The following NRG1 variants were observed in gnomAD, a reference collection of about 807,000 sequenced individuals.
NRG1 encodes pro-neuregulin-1, membrane-bound isoform.
NRG1 carries 18 observed loss-of-function variants against 63.8 expected under a neutral mutation model. The observed-to-expected ratio is 0.28, with a 90% confidence interval of 0.19 to 0.42. The LOEUF (loss-of-function observed/expected upper bound fraction) is 0.42. Ranked by LOEUF, NRG1 falls within the 10% of genes least tolerant of loss-of-function variation. NRG1 has a pLI of 1.00. For synonymous variants in NRG1, 302 were observed against 301.3 expected (o/e 1.00, Z -0.02); for missense variants, 762 against 814.7 (o/e 0.94, Z 0.79).
At chr8:32,694,955 T>C (rs993335847) in intron 5 of NRG1, among the ~76,000 whole-genome samples, 2 of 152,216 alleles carry the variant, frequency 1.3e-5, no homozygotes, top group Non-Finnish European at 2.9e-5. Flanking sequence ...GGACCTGGCA[T>C]GGTGCCCTGC....
chr8:32,126,417 G>T (rs1309392167), intron 1 of NRG1, among the ~76,000 whole-genome samples: 1 of 151,856 alleles, frequency 6.6e-6, no homozygotes, highest in Non-Finnish European at 1.5e-5. Flanking sequence ...ACAATAAAAT[G>T]AAATTTGGCT....
chr8:32,524,491 T>C (rs1467102093), intron 1 of NRG1, among the ~76,000 whole-genome samples: 1 of 107,466 alleles, frequency 9.3e-6, no homozygotes, highest in African/African-American at 3.7e-5. Flanking sequence ...TGCTTTTCCT[T>C]AAAGATTTTT....
chr8:32,624,359 G>T (rs1211757063), intron 5 of NRG1, among the ~76,000 whole-genome samples: 1 of 152,160 alleles, frequency 6.6e-6, no homozygotes, highest in African/African-American at 2.4e-5. Flanking sequence ...AGCCCCATGG[G>T]AACCACATGG....
intron 1 of NRG1, among the ~76,000 whole-genome samples, chr8:31,861,803 G>A (rs1828500180): frequency 6.6e-6 from 1 of 152,100 alleles, no homozygotes; most frequent in Non-Finnish European, 1.5e-5. Flanking sequence ...CCATGATCCA[G>A]TAATGTCATC....
chr8:32,521,812 A>G (rs888588170), intron 1 of NRG1, among the ~76,000 whole-genome samples: 2 of 152,186 alleles, frequency 1.3e-5, no homozygotes, highest in African/African-American at 2.4e-5. Context: ...TTACTCCCTC[A>G]GTTAAAAGTG....
At chr8:32,763,111 T>A (rs1048202989) in intron 11 of NRG1, 9 of 1,170,992 alleles carry the variant, frequency 7.7e-6, no homozygotes, top group Non-Finnish European at 1.1e-5. Context: ...TAGTTCCAAA[T>A]TGAATGTTAA....
intron 1 of NRG1, among the ~76,000 whole-genome samples, chr8:32,343,024 T>A (rs1341449660): frequency 6.6e-6 from 1 of 152,192 alleles, no homozygotes; most frequent in Non-Finnish European, 1.5e-5. Context: ...TTTGAGGTTG[T>A]GGATAGACAT....
At chr8:32,764,005 G>A (rs776139232) in exon 12 of NRG1, 1 of 1,614,064 alleles carries the variant, frequency 6.2e-7, no homozygotes, top group Admixed American at 1.7e-5. Flanking sequence ...GCGCATGACA[G>A]TAACAGCCTC....
At chr8:32,076,770 A>G (rs1489104893) in intron 1 of NRG1, among the ~76,000 whole-genome samples, 1 of 152,178 alleles carries the variant, frequency 6.6e-6, no homozygotes, top group African/African-American at 2.4e-5. Flanking sequence ...AGGTACAACC[A>G]CGTGAATGAT....
intron 1 of NRG1, among the ~76,000 whole-genome samples, chr8:32,046,934 T>A (rs770828074): frequency 2.2e-4 from 34 of 152,050 alleles, no homozygotes; most frequent in Non-Finnish European, 5.0e-4. Context: ...AAAATAAAAC[T>A]AGAAGAAAAA....
chr8:31,945,536 T>C (rs1381103278), intron 1 of NRG1, among the ~76,000 whole-genome samples: 1 of 152,180 alleles, frequency 6.6e-6, no homozygotes, highest in African/African-American at 2.4e-5. Context: ...TGTGCGCCCC[T>C]TTTTACTGTG....
intron 1 of NRG1, among the ~76,000 whole-genome samples, chr8:31,821,220 C>T (rs946396400): frequency 5.3e-5 from 8 of 152,114 alleles, no homozygotes; most frequent in Admixed American, 1.3e-4. Context: ...AGATGCAAAA[C>T]CCATACATAT....
chr8:32,327,060 C>T (rs1802108902), intron 1 of NRG1, among the ~76,000 whole-genome samples: 1 of 152,158 alleles, frequency 6.6e-6, no homozygotes, highest in Non-Finnish European at 1.5e-5. Context: ...TCCTCCAGCC[C>T]TGTGCTGGAC....
intron 1 of NRG1, among the ~76,000 whole-genome samples, chr8:32,302,861 T>G (rs1286130695): frequency 6.6e-6 from 1 of 151,202 alleles, no homozygotes; most frequent in Non-Finnish European, 1.5e-5. Context: ...AATGAAGTAT[T>G]TGTATTTCTA....
At chr8:31,953,634 T>A (rs1803850428) in intron 1 of NRG1, among the ~76,000 whole-genome samples, 1 of 152,210 alleles carries the variant, frequency 6.6e-6, no homozygotes, top group Non-Finnish European at 1.5e-5. Flanking sequence ...AGGCCAGAAC[T>A]TTAGTCTACT....
intron 1 of NRG1, among the ~76,000 whole-genome samples, chr8:32,589,988 CA>C (rs1025159447): frequency 6.6e-6 from 1 of 152,046 alleles, no homozygotes; most frequent in African/African-American, 2.4e-5. Context: ...AATTGTGTGA[CA>C]TAGCAAATAG....
intron 1 of NRG1, among the ~76,000 whole-genome samples, chr8:32,395,652 T>C (rs999929697): frequency 1.3e-5 from 2 of 152,068 alleles, no homozygotes; most frequent in South Asian, 2.1e-4. Flanking sequence ...TAACCAGATA[T>C]GTAGTTTACA....
rs561791063 is a variant in NRG1 at position 31,900,040 on chromosome 8, A to C, written c.37+260609A>C. 3.3e-5 allele frequency among the ~76,000 whole-genome samples: 5 copies of C among 152,330 alleles called. No homozygotes were observed. In the East Asian group the frequency reaches 7.7e-4, roughly 24 times the overall value. Reference sequence around the variant, plus strand: ...TTGTTTAGCTTTGCTTTTCAGATGCATGAAACAAGTAAATTTGAGGCAGCA... The same window carrying C: ...TTGTTTAGCTTTGCTTTTCAGATGCCTGAAACAAGTAAATTTGAGGCAGCA... On this transcript the variant is annotated intron_variant, in intron 1 of 10. Coordinates refer to the NRG1 transcript ENST00000519301.
intron 1 of NRG1, among the ~76,000 whole-genome samples, chr8:32,296,353 G>A (rs112428709): frequency 0.05 from 7,663 of 152,196 alleles, 573 homozygotes; most frequent in African/African-American, 0.16. Flanking sequence ...CCTTTGGGGG[G>A]CTGAGAGGGG....
Sources: allele counts gnomAD v4.1 joint callset (sites outside exome capture counted in the v4.1 genomes callset), GRCh38; gene constraint gnomAD v4.1.1; transcripts MANE v1.5; gene names NCBI Gene and HGNC (gene_info 2026-07-23, HGNC 2026-07-21).